Variants in ZNF320 observed in about 807,000 individuals in gnomAD.
ZNF320 encodes the protein zinc finger gene 320.
A neutral mutation model predicts 6.8 loss-of-function variants in ZNF320; 2 were observed. That is an observed-to-expected ratio of 0.29 (90% CI 0.12 to 0.93). ZNF320 has a LOEUF of 0.93. Among genes scored for constraint, ZNF320 ranks in the 40% least tolerant of loss-of-function variants. ZNF320 has a pLI of 0.55. For missense variants in ZNF320, 472 were observed against 611.0 expected (o/e 0.77, Z 2.40); for synonymous variants, 208 against 203.2 (o/e 1.02, Z -0.20).
chr19:52,861,387 T>C (rs1432302283), exon 6 of ZNF320, among the ~76,000 whole-genome samples: 1 of 152,204 alleles, frequency 6.6e-6, no homozygotes, highest in Non-Finnish European at 1.5e-5. Context: ...AGAACCCATA[T>C]TGATGGATTG....
exon 6 of ZNF320, chr19:52,864,122 G>T (rs748065936): frequency 3.0e-6 from 1 of 328,024 alleles, no homozygotes; most frequent in Non-Finnish European, 6.0e-6. Flanking sequence ...CTCCAGCAAA[G>T]AGAACTCTAT....
chr19:52,865,698 TATATTTATATATGATTATACAC>T (rs2063544772), intron 5 of ZNF320, among the ~76,000 whole-genome samples: 3 of 129,008 alleles, frequency 2.3e-5, no homozygotes, highest in Non-Finnish European at 4.6e-5. Flanking sequence ...ATATTATACA[TATATTTATATATGATTATACAC>T]ATATTTATAT....
At position 52,881,279 on chromosome 19, in the gene ZNF320, C is replaced by T. The variant is rs753111953; in HGVS notation, c.847G>A (p.Ala283Thr). 1.5e-5 allele frequency: 24 copies of T among 1,613,666 alleles called. No homozygotes were observed. The highest frequency in any genetic ancestry group is 4.0e-5 in the African/African-American group (3 of 74,796). ...YKCNECGKTF[A>T]RNSVLVIHKA... is the part of the protein sequence containing the mutation. ...TGAATTACGAGGACTGAATTTCGAGCGAAGGTCTTGCCACACTCATTACAT... is the reference window on the plus strand; with the variant it reads ...TGAATTACGAGGACTGAATTTCGAGTGAAGGTCTTGCCACACTCATTACAT... Residue 283 changes from alanine (A) to threonine (T), a missense_variant, in exon 6 of 6, where the codon GCT becomes ACT. By Grantham distance (58) the Ala-to-Thr change is moderately conservative. Around this residue, in one of 2 missense-constraint regions of ZNF320, gnomAD observed 462 missense variants for 559.7 expected, o/e 0.83. Coordinates refer to ENST00000682928, the MANE Select transcript of ZNF320 (RefSeq NM_001351774.2).
rs1252428773 is a variant in ZNF320 at position 52,897,627 on chromosome 19, A to T, written c.-377T>A. On this transcript the variant is annotated 5_prime_UTR_variant, in exon 1 of 6. It removes an upstream start codon present in the reference 5' UTR. Transcript: ENST00000682928. ...AGCACCACAGGACTGGGAAGCACAC[A>T]TAAAACAGAGCGAAACTCACGCGCT... 1 of 152,416 alleles carries T rather than the reference A, an allele frequency of 6.6e-6. No individual in the cohort carries two copies. The allele number at this position is 152,416 out of a possible 1,614,324, so 9.4% of individuals were successfully genotyped here.
intron 1 of ZNF320, among the ~76,000 whole-genome samples, chr19:52,894,381 CA>C (rs35688862): frequency 0.35 from 33,935 of 97,832 alleles, 4,163 homozygotes; most frequent in Admixed American, 0.48. Context: ...AAGACTGTCT[CA>C]AAAAAAAAAA....
chr19:52,865,634 T>G lies in ZNF320; in HGVS notation c.224-1475A>C, dbSNP rs1158302323. On this transcript the variant is annotated intron_variant, in intron 5 of 5. Coordinates refer to the ZNF320 transcript ENST00000673631. ...TTATACATATATATTTATATATGATTATACATATATATTTATATATGATTA... is the reference window on the plus strand; with the variant it reads ...TTATACATATATATTTATATATGATGATACATATATATTTATATATGATTA... 4.6e-5 allele frequency among the ~76,000 whole-genome samples: 6 copies of G among 129,766 alleles called. No homozygotes were observed. The East Asian group carries it at 1.3e-3, about 28-fold the overall frequency. The allele number at this position is 129,766 out of a possible 152,430, so 85.1% of individuals were successfully genotyped here. A position where few individuals can be genotyped will look rare whatever the true frequency, so the allele number is the denominator to read the frequency against.
rs771430333 is a variant in ZNF320, at chr19:52,881,832, C to T, written c.294G>A (p.Val98=). Reference sequence around the variant, plus strand: ...TTGTTTCATCTTCTTGCCACTGAAACACAAAGTCATGAATGTCTTTCTCAA... The same window carrying T: ...TTGTTTCATCTTCTTGCCACTGAAATACAAAGTCATGAATGTCTTTCTCAA... ...QEIEKDIHDF[V]FQWQEDETND... is the part of the protein sequence containing the mutation. The change falls in exon 6 of 6, where the codon GTG becomes GTA. Residue 98 remains valine (V), a synonymous_variant. Coordinates refer to ENST00000682928, the MANE Select transcript of ZNF320 (RefSeq NM_001351774.2). 1.9e-6 allele frequency: 3 copies of T among 1,613,810 alleles called. No individual in the cohort carries two copies. Among genetic ancestry groups the T allele is most frequent in the Non-Finnish European group, 2.5e-6 (3 of 1,179,836 alleles).
chr19:52,880,850 A>G lies in ZNF320; in HGVS notation c.1276T>C (p.Ser426Pro). 6.2e-7 allele frequency: 1 copy of G among 1,613,954 alleles called. No individual in the cohort carries two copies. Among genetic ancestry groups the G allele is most frequent in the Non-Finnish European group, 8.5e-7 (1 of 1,179,854 alleles). Residue 426 changes from serine (S) to proline (P), a missense_variant, in exon 6 of 6, where the codon TCA (serine) becomes CCA (proline). Ser to Pro is a moderately conservative substitution (Grantham distance 74). Coordinates refer to ENST00000682928, the MANE Select transcript of ZNF320 (RefSeq NM_001351774.2). ...EECDKVYIRK[S>P]HLERHRRIHT... Reference sequence around the variant, plus strand: ...ATCCTCCTATGTCTTTCAAGGTGTGATTTGCGAATGTAAACTTTGTCACAT... The same window carrying G: ...ATCCTCCTATGTCTTTCAAGGTGTGGTTTGCGAATGTAAACTTTGTCACAT...
At chr19:52,861,989 T>C in exon 6 of ZNF320, 2 of 370,888 alleles carry the variant, frequency 5.4e-6, no homozygotes, top group South Asian at 4.5e-5. Context: ...CTGAAGACCT[T>C]GCCTCAATCA....
At position 52,890,259 on chromosome 19, in the gene ZNF320, C is replaced by T. The variant is rs201899277; in HGVS notation, c.-4G>A. 1.5e-3 allele frequency: 2,449 copies of T among 1,607,300 alleles called. 2 individuals carry two copies. The highest frequency in any genetic ancestry group is 1.9e-3 in the Non-Finnish European group (2,224 of 1,179,650). On this transcript the variant is annotated 5_prime_UTR_variant, in exon 4 of 6. Coordinates refer to ENST00000682928, the MANE Select transcript of ZNF320 (RefSeq NM_001351774.2). ...ATCTCACCTGAGAAAGAGCCATCCC[C>T]GACTCCTTTGCTTTCCTCTTCCTCT...
intron 5 of ZNF320, among the ~76,000 whole-genome samples, chr19:52,867,788 T>C (rs2063603430): frequency 6.6e-6 from 1 of 151,922 alleles, no homozygotes; most frequent in Non-Finnish European, 1.5e-5. Flanking sequence ...ATTTTTGTAT[T>C]TGTAGTTGAG....
upstream of ZNF320, among the ~76,000 whole-genome samples, chr19:52,900,860 A>G (rs1290718489): frequency 6.6e-6 from 1 of 151,978 alleles, no homozygotes; most frequent in African/African-American, 2.4e-5. Flanking sequence ...CAAATGACAT[A>G]AGACTAGTAT....
chr19:52,865,583 G>T (rs1269518053), intron 5 of ZNF320, among the ~76,000 whole-genome samples: 15 of 118,490 alleles, frequency 1.3e-4, no homozygotes, highest in African/African-American at 5.1e-4. Flanking sequence ...ATATTTATAT[G>T]ATTATACATA....
intron 5 of ZNF320, among the ~76,000 whole-genome samples, chr19:52,870,036 G>C (rs532313434): frequency 6.7e-6 from 1 of 150,356 alleles, no homozygotes; most frequent in Admixed American, 6.7e-5. Flanking sequence ...ATTTTTAGTA[G>C]AGACAGGGTT....
chr19:52,861,928 G>A (rs1027391699), exon 6 of ZNF320: 5 of 364,068 alleles, frequency 1.4e-5, no homozygotes, highest in Non-Finnish European at 2.8e-5. Context: ...ACACCTGTGA[G>A]GTTTCTCTCC....
Position 52,877,463 on chromosome 19 carries a change from A to C in ZNF320, c.*3133T>G, listed in dbSNP as rs1161105609. On this transcript the variant is annotated 3_prime_UTR_variant, in exon 6 of 6. Coordinates refer to ENST00000682928, the MANE Select transcript of ZNF320 (RefSeq NM_001351774.2). ...GCTGGCTCAGGGACCCTGTATTTTTACATAAATAGGGCAAGGGAAGCAATC... is the reference window on the plus strand; with the variant it reads ...GCTGGCTCAGGGACCCTGTATTTTTCCATAAATAGGGCAAGGGAAGCAATC... The C allele has an allele frequency of 6.6e-6, 1 of 152,234 alleles. No homozygotes were observed. Among genetic ancestry groups the C allele is most frequent in the Non-Finnish European group, 1.5e-5 (1 of 68,050 alleles). The allele number at this position is 152,234 out of a possible 1,614,324, so 9.4% of individuals were successfully genotyped here. A position where few individuals can be genotyped will look rare whatever the true frequency, so the allele number is the denominator to read the frequency against.
rs1345602384 is a variant in ZNF320, at chr19:52,863,318, G to A, written c.*711C>T. Among the ~76,000 whole-genome samples the A allele has an allele frequency of 7.9e-5, 12 of 152,304 alleles. No individual in the cohort carries two copies. The East Asian group carries it at 2.3e-3, about 29-fold the overall frequency. Reference sequence around the variant, plus strand: ...GACAGTAGAACTAAAATATGGGAAGGTCGGGCATGGTGGTTCACACCTGTA... The same window carrying A: ...GACAGTAGAACTAAAATATGGGAAGATCGGGCATGGTGGTTCACACCTGTA... On this transcript the variant is annotated 3_prime_UTR_variant, in exon 6 of 6. Coordinates refer to the ZNF320 transcript ENST00000673631.
the ZNF320 span, chr19:52,904,314 T>C: frequency 6.6e-6 from 1 of 152,360 alleles, no homozygotes; most frequent in South Asian, 2.1e-4. Flanking sequence ...CTAAGCCACC[T>C]AAAGGGCTGC....
chr19:52,892,698 C>T (rs972588729), intron 2 of ZNF320, among the ~76,000 whole-genome samples: 2 of 152,136 alleles, frequency 1.3e-5, no homozygotes, highest in Non-Finnish European at 2.9e-5. Flanking sequence ...TCCACCTCTT[C>T]TCCCATCTCT....
Sources: gnomAD v4.1 joint callset for allele counts (sites outside exome capture counted in the v4.1 genomes callset) on GRCh38, gnomAD v4.1.1 for gene constraint, gnomAD v4.1.1 regional missense constraint, MANE v1.5 for transcripts, NCBI Gene and HGNC (gene_info 2026-07-23, HGNC 2026-07-21) for gene names.